MOB3A: variants seen among roughly 807,000 people sequenced by gnomAD.
MOB3A encodes MOB LAK.
A neutral mutation model predicts 17.8 loss-of-function variants in MOB3A; 17 were observed. That is an observed-to-expected ratio of 0.95 (90% CI 0.65 to 1.43). The LOEUF (loss-of-function observed/expected upper bound fraction) is 1.43. Ranked by LOEUF, MOB3A falls within the 40% of genes most tolerant of loss-of-function variation. MOB3A has a pLI of 0.00. For synonymous variants in MOB3A, 124 were observed against 133.2 expected (o/e 0.93, Z 0.48); for missense variants, 333 against 310.8 (o/e 1.07, Z -0.54).
At chr19:2,081,570 A>G (rs1331293107) in intron 2 of MOB3A, among the ~76,000 whole-genome samples, 1 of 150,524 alleles carries the variant, frequency 6.6e-6, no homozygotes, top group South Asian at 2.1e-4. Flanking sequence ...CCTGGGCGAC[A>G]GAGCGAGATT....
chr19:2,095,598 C>T (rs962096337), intron 1 of MOB3A, among the ~76,000 whole-genome samples: 1 of 152,214 alleles, frequency 6.6e-6, no homozygotes, highest in African/African-American at 2.4e-5. Context: ...AGCTCGACCC[C>T]GCACCCTGTA....
intron 3 of MOB3A, 102 bp downstream of exon 3, chr19:2,078,038 C>A: frequency 1.6e-6 from 2 of 1,231,066 alleles, no homozygotes; most frequent in Admixed American, 3.0e-5. Flanking sequence ...CTGGGCTCGG[C>A]CTCCCAAAGC....
chr19:2,090,702 T>C (rs904624141), intron 1 of MOB3A, among the ~76,000 whole-genome samples: 4 of 152,120 alleles, frequency 2.6e-5, no homozygotes, highest in East Asian at 1.9e-4. Flanking sequence ...CTCGCTCTGT[T>C]GCCCAGGCTG....
At position 2,083,152 on chromosome 19, in the gene MOB3A, T is replaced by C. The variant is rs116968515; in HGVS notation, c.-120+2023A>G. Among the ~76,000 whole-genome samples, 275 of 152,328 alleles carry C rather than the reference T, an allele frequency of 1.8e-3. 4 individuals carry two copies. In the East Asian group the frequency reaches 0.042, roughly 23 times the overall value. ...GTGAGCCACTGTGCCTGGCCACCCC[T>C]GCCTGCTTCCCAAGGAAGGAGTAAT... On this transcript the variant is annotated intron_variant, in intron 2 of 4. Coordinates refer to ENST00000357066, the MANE Select transcript of MOB3A (RefSeq NM_130807.3).
At chr19:2,077,062 TC>T in intron 3 of MOB3A, 49 bp from the exon 4 acceptor site, 1 of 1,525,170 alleles carries the variant, frequency 6.6e-7, no homozygotes. Flanking sequence ...CAAGTCCATG[TC>T]CAGAACCCTT....
intron 3 of MOB3A, 115 bp from the exon 4 acceptor site, chr19:2,077,128 C>G: frequency 2.4e-6 from 2 of 850,734 alleles, no homozygotes; most frequent in East Asian, 2.7e-5. Flanking sequence ...AGATCGGGCG[C>G]GGTGGCTGAC....
At chr19:2,094,311 T>C (rs1012874485) in intron 1 of MOB3A, among the ~76,000 whole-genome samples, 9 of 152,108 alleles carry the variant, frequency 5.9e-5, no homozygotes, top group Admixed American at 2.6e-4. Flanking sequence ...CCTCCCAAAG[T>C]GTTGGGATCA....
At chr19:2,084,219 G>T in intron 2 of MOB3A, 1 of 463,368 alleles carries the variant, frequency 2.2e-6, no homozygotes, top group East Asian at 6.6e-5. Flanking sequence ...GGTGCCAGGC[G>T]AGGTGGCTCA....
Position 2,082,772 on chromosome 19 carries a change from G to A in MOB3A, c.-120+2403C>T, listed in dbSNP as rs1021593032. 2.6e-5 allele frequency among the ~76,000 whole-genome samples: 4 copies of A among 152,080 alleles called. No individual in the cohort carries two copies. Among genetic ancestry groups the A allele is most frequent in the Non-Finnish European group, 4.4e-5 (3 of 68,020 alleles). Reference sequence around the variant, plus strand: ...CTGACCCATCTTGGTTTTGCTCGGCGGGGCACAACCCCAGGGTCACCACAC... The same window carrying A: ...CTGACCCATCTTGGTTTTGCTCGGCAGGGCACAACCCCAGGGTCACCACAC... On this transcript the variant is annotated intron_variant, in intron 2 of 4. Transcript: ENST00000357066. This position sits in a 1 kb window ranked among gnomAD's most constrained non-coding sequence, Gnocchi z 4.1.
intron 1 of MOB3A, among the ~76,000 whole-genome samples, chr19:2,087,069 G>A (rs926622522): frequency 6.6e-6 from 1 of 152,194 alleles, no homozygotes; most frequent in African/African-American, 2.4e-5. Flanking sequence ...GGGATTACAG[G>A]TGTGAGCCAC....
rs988094801 is a variant in MOB3A at position 2,093,192 on chromosome 19, C to T, written c.-274+3034G>A. 2.6e-5 allele frequency among the ~76,000 whole-genome samples: 4 copies of T among 151,726 alleles called. No individual in the cohort carries two copies. Among genetic ancestry groups the T allele is most frequent in the Non-Finnish European group, 4.4e-5 (3 of 67,928 alleles). On this transcript the variant is annotated intron_variant, in intron 1 of 4. Transcript: ENST00000357066. This position sits in a 1 kb window ranked among gnomAD's most constrained non-coding sequence, Gnocchi z 4.6. ...TTTTTTTTCGAGACGTTGTCTTACT[C>T]TGTTGCCCAGGCTGGAGTGCAGTGG... is the stretch of plus-strand genomic sequence containing the variant.
At chr19:2,083,994 ACTC>A (rs1327833504) in intron 2 of MOB3A, 1 of 324,912 alleles carries the variant, frequency 3.1e-6, no homozygotes, top group African/African-American at 2.3e-5. Flanking sequence ...CTGGTCTTGA[ACTC>A]CTGGTCTCAA....
At position 2,078,385 on chromosome 19, in the gene MOB3A, T is replaced by A; in HGVS notation, c.176A>T (p.Asp59Val). Residue 59 changes from aspartate to valine, a missense_variant, in exon 3 of 5, where the codon GAC becomes GTC. Asp to Val is a radical substitution (Grantham distance 152). Transcript: ENST00000357066. ...VQLPPGEDLNDWVAVHVVDFF... is the reference protein window; with the variant it reads ...VQLPPGEDLNVWVAVHVVDFF... Reference sequence around the variant, plus strand: ...GTCCACCACGTGAACAGCCACCCAGTCGTTCAGGTCCTCGCCCGGGGGCAA... The same window carrying A: ...GTCCACCACGTGAACAGCCACCCAGACGTTCAGGTCCTCGCCCGGGGGCAA... The A allele has an allele frequency of 6.2e-7, 1 of 1,614,156 alleles. No individual in the cohort carries two copies. Among genetic ancestry groups the A allele is most frequent in the Non-Finnish European group, 8.5e-7 (1 of 1,180,022 alleles).
At chr19:2,090,969 G>A (rs910861982) in intron 1 of MOB3A, among the ~76,000 whole-genome samples, 11 of 152,148 alleles carry the variant, frequency 7.2e-5, no homozygotes, top group South Asian at 2.1e-4. Flanking sequence ...GCCAAAATAC[G>A]TGCATTATTT....
At chr19:2,083,971 T>C (rs142144016) in intron 2 of MOB3A, 2 of 294,160 alleles carry the variant, frequency 6.8e-6, no homozygotes, top group African/African-American at 4.6e-5. Flanking sequence ...AGGGTCTCAC[T>C]ACATTGCCCA....
chr19:2,081,385 C>G (rs933961557), intron 2 of MOB3A, among the ~76,000 whole-genome samples: 16 of 150,590 alleles, frequency 1.1e-4, no homozygotes, highest in African/African-American at 3.9e-4. Context: ...GTCGGGAATT[C>G]GAGATCAGCC....
In MOB3A at chr19:2,071,522, A is replaced by G. The variant is rs961880184; in HGVS notation, c.*1873T>C. On this transcript the variant is annotated 3_prime_UTR_variant, in exon 5 of 5. Transcript: ENST00000357066. ...ACCAGACTTCTGTGTGGTCTGGGACAGTGCAGGGCTCAGGCAGGAAGGACC... is the reference window on the plus strand; with the variant it reads ...ACCAGACTTCTGTGTGGTCTGGGACGGTGCAGGGCTCAGGCAGGAAGGACC... The G allele has an allele frequency of 6.6e-6, 1 of 152,444 alleles. No individual in the cohort carries two copies. Among genetic ancestry groups the G allele is most frequent in the African/African-American group, 2.4e-5 (1 of 41,468 alleles). The allele number at this position is 152,444 out of a possible 1,614,324, so 9.4% of individuals were successfully genotyped here.
In MOB3A at chr19:2,090,733, G is replaced by A. The variant is rs914893239; in HGVS notation, c.-273-5405C>T. On this transcript the variant is annotated intron_variant, in intron 1 of 4. Transcript: ENST00000357066. Reference sequence around the variant, plus strand: ...GGCTGGAGTGCAGTGGCGCGATCTCGTCTCACTGCAACCTCCGCCTACTGG... The same window carrying A: ...GGCTGGAGTGCAGTGGCGCGATCTCATCTCACTGCAACCTCCGCCTACTGG... Among the ~76,000 whole-genome samples, 4 of 151,950 alleles carry A rather than the reference G, an allele frequency of 2.6e-5. 1 individual carries two copies. The highest frequency in any genetic ancestry group is 4.8e-5 in the African/African-American group (2 of 41,344).
At chr19:2,080,454 T>G (rs2017473079) in intron 2 of MOB3A, among the ~76,000 whole-genome samples, 1 of 152,016 alleles carries the variant, frequency 6.6e-6, no homozygotes. Flanking sequence ...CTCAGCTCAC[T>G]GCAGCCTCCA....
Sources: allele counts gnomAD v4.1 joint callset (sites outside exome capture counted in the v4.1 genomes callset), GRCh38; gene constraint gnomAD v4.1.1; non-coding constraint Gnocchi (gnomAD v3.1); transcripts MANE v1.5; gene names NCBI Gene and HGNC (gene_info 2026-07-23, HGNC 2026-07-21).